NRCAM: variants seen among roughly 807,000 people sequenced by gnomAD.
NRCAM encodes the protein neuronal cell adhesion molecule, also known as NgCAM-related cell adhesion molecule.
In NRCAM, 83 loss-of-function variants were observed where a neutral mutation model predicts 156.5. The ratio of observed to expected loss-of-function variants is 0.53; its 90% confidence interval spans 0.44 to 0.64. The LOEUF (loss-of-function observed/expected upper bound fraction) is 0.64. NRCAM is among the 30% of genes least tolerant of loss of function. The probability of loss-of-function intolerance (pLI) is 0.00; values close to 1 mark genes in which losing one functional copy is unlikely to be tolerated. For missense variants in NRCAM, 1,417 were observed against 1,597.3 expected (o/e 0.89, Z 1.92); for synonymous variants, 538 against 563.9 (o/e 0.95, Z 0.65).
chr7:108,388,835 G>A (rs1316405370), intron 2 of NRCAM, among the ~76,000 whole-genome samples: 1 of 152,110 alleles, frequency 6.6e-6, no homozygotes, highest in Non-Finnish European at 1.5e-5. Flanking sequence ...CCCATTGCTT[G>A]TTTTTGTCAG....
intron 8 of NRCAM, among the ~76,000 whole-genome samples, chr7:108,228,306 A>G (rs910069387): frequency 1.3e-5 from 2 of 150,354 alleles, no homozygotes; most frequent in Non-Finnish European, 3.0e-5. Flanking sequence ...TGGGTGACAG[A>G]GCGAGACTCC....
At chr7:108,183,053 T>G in intron 22 of NRCAM, 133 bp from the exon 23 acceptor site, 1 of 718,746 alleles carries the variant, frequency 1.4e-6, no homozygotes, top group Non-Finnish European at 2.3e-6. Flanking sequence ...TATTAACCAT[T>G]TTCTCCAGGG....
At chr7:108,240,634 A>G (rs1256844774) in intron 3 of NRCAM, among the ~76,000 whole-genome samples, 1 of 152,178 alleles carries the variant, frequency 6.6e-6, no homozygotes, top group Non-Finnish European at 1.5e-5. Context: ...ATGAGCACTG[A>G]CTATTCAGGT....
chr7:108,288,895 G>A (rs567937447), intron 3 of NRCAM, among the ~76,000 whole-genome samples: 99 of 152,130 alleles, frequency 6.5e-4, no homozygotes, highest in African/African-American at 2.3e-3. Context: ...TTTGGCTAAC[G>A]GTTATGATTT....
At chr7:108,218,267 T>C (rs1196458673) in intron 11 of NRCAM, among the ~76,000 whole-genome samples, 2 of 151,514 alleles carry the variant, frequency 1.3e-5, no homozygotes, top group African/African-American at 4.9e-5. Flanking sequence ...CTGCTTCCAC[T>C]GTCTAACCAG....
At chr7:108,153,359 A>G (rs1360236107) in intron 32 of NRCAM, among the ~76,000 whole-genome samples, 2 of 152,164 alleles carry the variant, frequency 1.3e-5, no homozygotes, top group Non-Finnish European at 1.5e-5. Flanking sequence ...TAATCTCAGT[A>G]AATTTAGAAA....
chr7:108,436,699 C>T (rs1349249081), intron 1 of NRCAM, among the ~76,000 whole-genome samples: 2 of 152,116 alleles, frequency 1.3e-5, no homozygotes, highest in African/African-American at 4.8e-5. Flanking sequence ...ACTACAAATA[C>T]TTTTTAAAAA....
At chr7:108,339,495 G>A (rs1056829114) in intron 2 of NRCAM, among the ~76,000 whole-genome samples, 2 of 152,188 alleles carry the variant, frequency 1.3e-5, no homozygotes, top group South Asian at 4.1e-4. Flanking sequence ...CAGCTGGGTT[G>A]TCATGAAATA....
intron 17 of NRCAM, among the ~76,000 whole-genome samples, chr7:108,193,802 C>A (rs544053586): frequency 6.6e-6 from 1 of 152,266 alleles, no homozygotes; most frequent in Admixed American, 6.5e-5. Flanking sequence ...GAGACCAGCA[C>A]GCAAAGATAG....
At position 108,184,255 on chromosome 7, in the gene NRCAM, C is replaced by T; in HGVS notation, c.2290G>A (p.Val764Met). The stretch of plus-strand genomic sequence containing the variant: ...TCATAGCTCACCTTCCACGTAATCA[C>T]CAAATTATCAGGCTCTGATCCCAGT... ...EGLGSEPDNL[V>M]ITWKPLNGFE... The change falls in exon 22 of 33, where the codon GTG (valine) becomes ATG (methionine). Residue 764 changes from valine (V) to methionine (M), a missense_variant. By Grantham distance (21) the Val-to-Met change is conservative (BLOSUM62 1). Coordinates refer to ENST00000379028, the MANE Select transcript of NRCAM (RefSeq NM_001037132.4). 1.9e-6 allele frequency: 3 copies of T among 1,614,006 alleles called. No homozygotes were observed. The highest frequency in any genetic ancestry group is 2.5e-6 in the Non-Finnish European group (3 of 1,179,954).
intron 2 of NRCAM, among the ~76,000 whole-genome samples, chr7:108,324,040 G>A (rs984068503): frequency 9.2e-5 from 14 of 152,024 alleles, no homozygotes; most frequent in Non-Finnish European, 1.9e-4. Context: ...GATGAAGTAA[G>A]GGATGGAAAG....
chr7:108,393,579 G>A (rs1247941950), intron 2 of NRCAM, among the ~76,000 whole-genome samples: 1 of 152,080 alleles, frequency 6.6e-6, no homozygotes, highest in Non-Finnish European at 1.5e-5. Flanking sequence ...TCAGTGGGCT[G>A]CACCCACTGT....
chr7:108,295,716 T>C (rs1032326383), intron 3 of NRCAM, among the ~76,000 whole-genome samples: 5 of 152,232 alleles, frequency 3.3e-5, no homozygotes, highest in Admixed American at 3.3e-4. Flanking sequence ...AAGACTCACA[T>C]TGTCTAAGTT....
chr7:108,389,263 G>A (rs1204089422), intron 2 of NRCAM, among the ~76,000 whole-genome samples: 18 of 151,970 alleles, frequency 1.2e-4, no homozygotes. Context: ...TCTCCTTGAA[G>A]AGGTCCTTCA....
chr7:108,432,681 T>C (rs920886067), intron 1 of NRCAM, among the ~76,000 whole-genome samples: 1 of 152,196 alleles, frequency 6.6e-6, no homozygotes, highest in Non-Finnish European at 1.5e-5. Context: ...GGAGGGCAGA[T>C]CACTTGAGAT....
intron 2 of NRCAM, among the ~76,000 whole-genome samples, chr7:108,390,183 T>C (rs1259938116): frequency 2.0e-5 from 3 of 152,200 alleles, no homozygotes; most frequent in African/African-American, 2.4e-5. Context: ...CATCTGGTCC[T>C]GGACTTTTTT....
intron 3 of NRCAM, among the ~76,000 whole-genome samples, chr7:108,295,228 A>G (rs117841188): frequency 0.016 from 2,501 of 152,304 alleles, 24 homozygotes; most frequent in Non-Finnish European, 0.026. Flanking sequence ...TGTACTAGGC[A>G]CTTTTCATAT....
In NRCAM at chr7:108,194,178, T is replaced by C; in HGVS notation, c.1631-7A>G. On this transcript the variant is annotated splice_polypyrimidine_tract_variant and splice_region_variant and intron_variant, in intron 16 of 32. Transcript: ENST00000379028. ...TTAACGATCCATGTAGGATCTGAAATGTAGAGTCATCGTTATCCATTTGGC... is the reference window on the plus strand; with the variant it reads ...TTAACGATCCATGTAGGATCTGAAACGTAGAGTCATCGTTATCCATTTGGC... The C allele has an allele frequency of 2.5e-6, 4 of 1,613,892 alleles. No homozygotes were observed. The highest frequency in any genetic ancestry group is 3.4e-6 in the Non-Finnish European group (4 of 1,179,794).
intron 3 of NRCAM, among the ~76,000 whole-genome samples, chr7:108,303,462 G>C (rs538731679): frequency 2.6e-5 from 4 of 152,244 alleles, no homozygotes; most frequent in African/African-American, 9.6e-5. Flanking sequence ...CTGGTTTCCA[G>C]CTTCTGATTT....
Sources: gnomAD v4.1 joint callset for allele counts (sites outside exome capture counted in the v4.1 genomes callset) on GRCh38, gnomAD v4.1.1 for gene constraint, MANE v1.5 for transcripts, NCBI Gene and HGNC (gene_info 2026-07-23, HGNC 2026-07-21) for gene names.